RETSAT: variants seen among roughly 807,000 people sequenced by gnomAD.
RETSAT encodes retinol saturase, also known as all-trans-retinol 13,14-reductase.
A neutral mutation model predicts 61.6 loss-of-function variants in RETSAT; 35 were observed. That is an observed-to-expected ratio of 0.57 (90% CI 0.43 to 0.75). The LOEUF is 0.75. RETSAT is among the 30% of genes least tolerant of loss of function. The pLI is 0.00. For synonymous variants in RETSAT, 277 were observed against 310.4 expected (o/e 0.89, Z 1.13); for missense variants, 670 against 759.5 (o/e 0.88, Z 1.38).
At chr2:85,346,281 T>C (rs1275013911) in intron 5 of RETSAT, among the ~76,000 whole-genome samples, 187 bp from the exon 6 acceptor site, 1 of 152,184 alleles carries the variant, frequency 6.6e-6, no homozygotes, top group Non-Finnish European at 1.5e-5. Flanking sequence ...GCTTTCACAC[T>C]ATCCTACAAC....
intron 5 of RETSAT, among the ~76,000 whole-genome samples, chr2:85,346,674 A>T (rs2104435191): frequency 1.3e-5 from 2 of 152,330 alleles, no homozygotes; most frequent in African/African-American, 4.8e-5. Flanking sequence ...GAATGGGTTC[A>T]GCCCAGGAGT....
Position 85,354,344 on chromosome 2 carries a change from A to T in RETSAT, c.164T>A (p.Leu55His). Residue 55 changes from leucine to histidine, a missense_variant, in exon 1 of 11, where the codon CTC becomes CAC. Leu to His is a moderately conservative substitution (Grantham distance 99). Coordinates refer to ENST00000295802, the MANE Select transcript of RETSAT (RefSeq NM_017750.4). ...AGGGTCCCTCCTGCTACCTTGTTTG[A>T]GAACCTTCTTCCTGGCCTCCTTGTC... is the stretch of plus-strand genomic sequence containing the variant. ...VTDKEARKKV[L>H]KQAFSANQVP... 1.2e-6 allele frequency: 2 copies of T among 1,614,224 alleles called. No individual in the cohort carries two copies. The highest frequency in any genetic ancestry group is 1.7e-6 in the Non-Finnish European group (2 of 1,180,038).
intron 5 of RETSAT, 72 bp from the exon 6 acceptor site, chr2:85,346,166 ATC>A (rs373745016): frequency 6.4e-7 from 1 of 1,555,228 alleles, no homozygotes; most frequent in South Asian, 1.2e-5. Context: ...GCCCCCATGG[ATC>A]TCTCTCTGCC....
rs7604797 is a variant in RETSAT at position 85,344,586 on chromosome 2, C to A, written c.1256+8G>T. On this transcript the variant is annotated splice_region_variant and intron_variant, in intron 7 of 10. Coordinates refer to ENST00000295802, the MANE Select transcript of RETSAT (RefSeq NM_017750.4). ...GGCCACACACATACACACACACGTG[C>A]ACCTTACGCCTGGTCCATGTCCGTG... 5.2e-5 allele frequency: 84 copies of A among 1,613,724 alleles called. No individual in the cohort carries two copies. Among genetic ancestry groups the A allele is most frequent in the Non-Finnish European group, 6.9e-5 (81 of 1,179,832 alleles).
At chr2:85,353,584 G>A (rs1025207228) in intron 1 of RETSAT, among the ~76,000 whole-genome samples, 11 of 152,324 alleles carry the variant, frequency 7.2e-5, no homozygotes, top group African/African-American at 1.9e-4. Context: ...GCAAATTAGT[G>A]ACAGAGTCCA....
At chr2:85,351,225 C>T (rs573467023) in intron 2 of RETSAT, among the ~76,000 whole-genome samples, 2 of 152,182 alleles carry the variant, frequency 1.3e-5, no homozygotes, top group South Asian at 4.1e-4. Context: ...TATGCTGTCA[C>T]ATAAGAAAAC....
At chr2:85,351,130 G>A (rs1319433294) in intron 2 of RETSAT, 109 bp from the exon 3 acceptor site, 24 of 1,339,918 alleles carry the variant, frequency 1.8e-5, no homozygotes, top group African/African-American at 4.4e-5. Flanking sequence ...CCAAGTTCAC[G>A]CCCAGAGTGA....
At chr2:85,349,958 A>C (rs1683269756) in intron 4 of RETSAT, 82 bp downstream of exon 4, 16 of 1,366,194 alleles carry the variant, frequency 1.2e-5, no homozygotes, top group Middle Eastern at 2.5e-4. Flanking sequence ...TCAGCCAGGC[A>C]GGGTCGAGAA....
intron 5 of RETSAT, among the ~76,000 whole-genome samples, chr2:85,347,924 G>A (rs1683228302): frequency 6.6e-6 from 1 of 151,880 alleles, no homozygotes; most frequent in South Asian, 2.1e-4. Flanking sequence ...TTTTGCACTG[G>A]GCCCCCCACT....
chr2:85,343,162 A>G lies in RETSAT; in HGVS notation c.*80T>C. On this transcript the variant is annotated 3_prime_UTR_variant, in exon 11 of 11. Transcript: ENST00000295802. ...GAGTGCTTTATACGTGCAAGGAACT[A>G]ATGCAGAAAGACATTATGGGTAAGT... 1 of 1,569,076 alleles carries G rather than the reference A, an allele frequency of 6.4e-7. No individual in the cohort carries two copies. Among genetic ancestry groups the G allele is most frequent in the East Asian group, 2.2e-5 (1 of 44,640 alleles).
At position 85,344,298 on chromosome 2, in the gene RETSAT, G is replaced by C. The variant is rs755057147; in HGVS notation, c.1307C>G (p.Pro436Arg). 3.7e-6 allele frequency: 6 copies of C among 1,614,120 alleles called. No individual in the cohort carries two copies. In the East Asian group the frequency reaches 1.3e-4, roughly 36 times the overall value. ...MPREEAAEHI[P>R]LLFFAFPSAK... ...TGATGGGAAAGCGAAGAAGAGAAGA[G>C]GGATGTGTTCCGCAGCCTCTTCCCT... Residue 436 changes from proline to arginine, a missense_variant, in exon 8 of 11, where the codon CCT becomes CGT. Physicochemically the swap from Pro to Arg is moderately radical, Grantham distance 103 (BLOSUM62 -2). Coordinates refer to ENST00000295802, the MANE Select transcript of RETSAT (RefSeq NM_017750.4).
chr2:85,345,270 C>A (rs1470457819), intron 6 of RETSAT, among the ~76,000 whole-genome samples: 1 of 152,166 alleles, frequency 6.6e-6, no homozygotes, highest in South Asian at 2.1e-4. Context: ...TCACAACTGC[C>A]TTACCACCCA....
intron 3 of RETSAT, 86 bp downstream of exon 3, chr2:85,350,694 C>G: frequency 6.6e-7 from 1 of 1,518,302 alleles, no homozygotes; most frequent in East Asian, 2.3e-5. Flanking sequence ...CCGCACTGCA[C>G]TCTCCACCCC....
rs528980867 is a variant in RETSAT, at chr2:85,344,039, A to G, written c.1493T>C (p.Met498Thr). 6 of 1,614,112 alleles carry G rather than the reference A, an allele frequency of 3.7e-6. No homozygotes were observed. The East Asian group carries it at 8.9e-5, about 24-fold the overall frequency. Residue 498 changes from methionine (M) to threonine (T), a missense_variant, in exon 9 of 11, where the codon ATG (methionine) becomes ACG (threonine). Met to Thr is a moderately conservative substitution (Grantham distance 81). Transcript: ENST00000295802. ...TGGGAACAGTTTCAGGACCACTGAC[A>G]TAGAGGCTTCCACAAAGGAGTTTTT... ...TFKNSFVEAS[M>T]SVVLKLFPQL...
intron 5 of RETSAT, among the ~76,000 whole-genome samples, chr2:85,348,913 G>A (rs1419753475): frequency 6.6e-6 from 1 of 151,640 alleles, no homozygotes; most frequent in Non-Finnish European, 1.5e-5. Flanking sequence ...ACCATGCCCA[G>A]CTAATTTTTG....
At position 85,354,436 on chromosome 2, in the gene RETSAT, T is replaced by C; in HGVS notation, c.72A>G (p.Leu24=). 7 of 1,614,204 alleles carry C rather than the reference T, an allele frequency of 4.3e-6. No individual in the cohort carries two copies. Among genetic ancestry groups the C allele is most frequent in the Non-Finnish European group, 5.9e-6 (7 of 1,180,044 alleles). The change falls in exon 1 of 11, where the codon CTA becomes CTG. Residue 24 remains leucine (L), a synonymous_variant. Transcript: ENST00000295802. ...AAGGATTCGGGGAGCTGCCAGAGAA[T>C]AGTCCCAAGTAAACTTTGCAGAGGA... is the stretch of plus-strand genomic sequence containing the variant. The part of the protein sequence containing the change: ...LAVLCKVYLG[L]FSGSSPNPFS...
In RETSAT at chr2:85,349,368, G is replaced by A. The variant is rs748432530; in HGVS notation, c.997+16C>T. 2.2e-5 allele frequency: 35 copies of A among 1,613,412 alleles called. 1 individual carries two copies. Among genetic ancestry groups the A allele is most frequent in the Middle Eastern group, 3.3e-4 (2 of 6,042 alleles). ...ACCCAGGGACCCAGAAGGGCAGGGC[G>A]GGGCAGGGCTCTCACCACAGGCTTT... On this transcript the variant is annotated intron_variant, in intron 5 of 10. Transcript: ENST00000295802.
At chr2:85,351,581 T>G in intron 2 of RETSAT, 99 bp downstream of exon 2, 1 of 1,247,506 alleles carries the variant, frequency 8.0e-7, no homozygotes, top group South Asian at 1.5e-5. Flanking sequence ...AGATGGCACT[T>G]CCAAAACAAC....
rs375945047 is a variant in RETSAT at position 85,344,221 on chromosome 2, C to T, written c.1366+18G>A. On this transcript the variant is annotated intron_variant, in intron 8 of 10. Transcript: ENST00000295802. The stretch of plus-strand genomic sequence containing the variant: ...CGGCCTCTCCCTCCACCCCCTCACC[C>T]GGGACGTGCAGCCCCACCTGGGAAT... 1.7e-5 allele frequency: 27 copies of T among 1,614,018 alleles called. No individual in the cohort carries two copies. The highest frequency in any genetic ancestry group is 4.5e-5 in the East Asian group (2 of 44,880).
Sources: gnomAD v4.1 joint callset for allele counts (sites outside exome capture counted in the v4.1 genomes callset) on GRCh38, gnomAD v4.1.1 for gene constraint, MANE v1.5 for transcripts, NCBI Gene and HGNC (gene_info 2026-07-23, HGNC 2026-07-21) for gene names.